Variants in DCHS2 observed in about 807,000 individuals in gnomAD.
DCHS2 encodes protocadherin-23.
In DCHS2, 142 loss-of-function variants were observed where a neutral mutation model predicts 182.4. The ratio of observed to expected loss-of-function variants is 0.78; its 90% CI spans 0.68 to 0.89. DCHS2 has a LOEUF of 0.89. Ranked by LOEUF, DCHS2 falls within the 40% of genes least tolerant of loss-of-function variation. DCHS2 has a pLI of 0.00. For synonymous variants in DCHS2, 1,740 were observed against 1,663.3 expected (o/e 1.05, Z -1.12); for missense variants, 4,319 against 4,198.6 (o/e 1.03, Z -0.79).
intron 13 of DCHS2, among the ~76,000 whole-genome samples, chr4:154,292,373 T>C (rs1734707714): frequency 1.3e-5 from 2 of 152,208 alleles, no homozygotes; most frequent in Non-Finnish European, 2.9e-5. Context: ...TGCACTTCAC[T>C]ATATTCTGGC....
chr4:154,491,648 T>G lies in DCHS2; in HGVS notation c.-293A>C. On this transcript the variant is annotated 5_prime_UTR_variant, in exon 1 of 20. Transcript: ENST00000357232. ...TCATCTCTTTTTCTCTCTCCTTTTA[T>G]TCCCTTTACATCTGTTCCTTGTTCT... The G allele has an allele frequency of 3.9e-6, 5 of 1,272,828 alleles. No individual in the cohort carries two copies. The highest frequency in any genetic ancestry group is 2.0e-6 in the Non-Finnish European group (2 of 1,011,552). The allele number at this position is 1,272,828 out of a possible 1,614,324, so 78.8% of individuals were successfully genotyped here. A position where few individuals can be genotyped will look rare whatever the true frequency, so the allele number is the denominator to read the frequency against.
chr4:154,261,332 C>A (rs565485401), intron 14 of DCHS2, among the ~76,000 whole-genome samples: 1 of 152,284 alleles, frequency 6.6e-6, no homozygotes, highest in Non-Finnish European at 1.5e-5. Context: ...TTTGTAGTAA[C>A]ATGTAGATTC....
chr4:154,235,680 GC>G lies in DCHS2; in HGVS notation c.8971del (p.Ala2991ProfsTer13), dbSNP rs1419792446. On this transcript the variant is annotated frameshift_variant, in exon 20 of 20. Coordinates refer to ENST00000357232, the MANE Select transcript of DCHS2 (RefSeq NM_001358235.2). LOFTEE classifies it low-confidence loss of function (END_TRUNC). ...CACCAGGCTGATTGAAAAGCTGCTG[GC>G]GAACACTGCCAAGGGTGTTCCTTCA... ...SSEGTPLAVF[A>X]SSFSISLVVS... 1 of 1,613,938 alleles carries G rather than the reference GC, an allele frequency of 6.2e-7. No individual in the cohort carries two copies. The highest frequency in any genetic ancestry group is 1.1e-5 in the South Asian group (1 of 91,046).
intron 3 of DCHS2, among the ~76,000 whole-genome samples, chr4:154,340,402 C>T (rs1023968440): frequency 2.6e-5 from 4 of 152,176 alleles, no homozygotes; most frequent in Non-Finnish European, 5.9e-5. Context: ...TAGTAACATA[C>T]AGCAAATGTG....
At chr4:154,373,485 C>A (rs959550448) in intron 2 of DCHS2, among the ~76,000 whole-genome samples, 4 of 152,078 alleles carry the variant, frequency 2.6e-5, no homozygotes, top group Admixed American at 6.5e-5. Context: ...CACATGAAAA[C>A]ACATATGTTG....
In DCHS2 at chr4:154,391,448, CAG is replaced by C. The variant is rs1731700671; in HGVS notation, c.2053-14006_2053-14005del. ...CGTTCAAAACTAAAAATAGGCAGAT[CAG>C]AGAGTCACTGATGCTGAGTTTGCAG... is the stretch of plus-strand genomic sequence containing the variant. On this transcript the variant is annotated intron_variant, in intron 1 of 19. Transcript: ENST00000357232. 31 of 1,143,858 alleles carry C rather than the reference CAG, an allele frequency of 2.7e-5. No homozygotes were observed. The East Asian group carries it at 6.3e-4, about 23-fold the overall frequency. 70.9% of individuals were successfully genotyped at this position (1,143,858 alleles called of 1,614,324 possible).
At position 154,304,805 on chromosome 4, in the gene DCHS2, G is replaced by A. The variant is rs559564335; in HGVS notation, c.5469C>T (p.Asn1823=). 58 of 1,613,696 alleles carry A rather than the reference G, an allele frequency of 3.6e-5. No homozygotes were observed. Among genetic ancestry groups the A allele is most frequent in the East Asian group, 4.5e-5 (2 of 44,842 alleles). ...TTILCTVEDE[N]DHAPEFIVSS... is the part of the protein sequence containing the mutation. ...AAACAATAAACTCTGGTGCGTGATC[G>A]TTTTCATCTTCAACAGTGCAGAGGA... The change falls in exon 12 of 20, where the codon AAC becomes AAT. Residue 1823 remains asparagine, a synonymous_variant. Coordinates refer to ENST00000357232, the MANE Select transcript of DCHS2 (RefSeq NM_001358235.2).
rs537619978 is a variant in DCHS2 at position 154,342,760 on chromosome 4, T to C, written c.2477-7656A>G. On this transcript the variant is annotated intron_variant, in intron 3 of 19. Transcript: ENST00000357232. ...GTGGTGATTCCCTCAAAGTCATCTG[T>C]GAGGGTTGGAGTCAACTTCTTCCAA... Among the ~76,000 whole-genome samples, 4 of 152,276 alleles carry C rather than the reference T, an allele frequency of 2.6e-5. No homozygotes were observed. In the East Asian group the frequency reaches 7.7e-4, roughly 29 times the overall value.
chr4:154,242,006 T>A (rs145652792), intron 17 of DCHS2, among the ~76,000 whole-genome samples: 3 of 152,258 alleles, frequency 2.0e-5, no homozygotes, highest in African/African-American at 7.2e-5. Flanking sequence ...TCACCATTAT[T>A]TTCATCTTCA....
intron 3 of DCHS2, among the ~76,000 whole-genome samples, chr4:154,339,260 G>C (rs1173167652): frequency 1.3e-5 from 2 of 152,028 alleles, no homozygotes; most frequent in Non-Finnish European, 2.9e-5. Flanking sequence ...CCACCTTTTT[G>C]TTCTTTTTCA....
chr4:154,360,484 T>C (rs1730069672), intron 3 of DCHS2, among the ~76,000 whole-genome samples: 1 of 152,134 alleles, frequency 6.6e-6, no homozygotes, highest in Non-Finnish European at 1.5e-5. Context: ...TGATTAATTT[T>C]AGACTCTGTC....
chr4:154,447,231 G>T (rs1455307406), intron 1 of DCHS2, among the ~76,000 whole-genome samples: 1 of 152,176 alleles, frequency 6.6e-6, no homozygotes, highest in Non-Finnish European at 1.5e-5. Flanking sequence ...GGCAGGGGAT[G>T]CAGTGAGCTG....
intron 3 of DCHS2, among the ~76,000 whole-genome samples, chr4:154,341,934 G>A (rs980246761): frequency 6.6e-6 from 1 of 152,004 alleles, no homozygotes; most frequent in African/African-American, 2.4e-5. Context: ...TTAATTAAAT[G>A]AAAGCATTAT....
rs1202050640 is a variant in DCHS2 at position 154,490,889 on chromosome 4, C to G, written c.467G>C (p.Arg156Pro). ...CGAGTGGTCATTCACGTCGTTGACGCGAATCTCCACCTGCACCACAGCGCC... is the reference window on the plus strand; with the variant it reads ...CGAGTGGTCATTCACGTCGTTGACGGGAATCTCCACCTGCACCACAGCGCC... ...LLGAVVQVEI[R>P]VNDVNDHSPR... Residue 156 changes from arginine to proline, a missense_variant, in exon 1 of 20, where the codon CGC (arginine) becomes CCC (proline). Transcript: ENST00000357232. The G allele has an allele frequency of 5.8e-6, 9 of 1,551,402 alleles. No individual in the cohort carries two copies. Among genetic ancestry groups the G allele is most frequent in the Non-Finnish European group, 7.8e-6 (9 of 1,146,908 alleles).
rs1022694659 is a variant in DCHS2 at position 154,271,629 on chromosome 4, C to T, written c.6464-1616G>A. Among the ~76,000 whole-genome samples, 12 of 152,234 alleles carry T rather than the reference C, an allele frequency of 7.9e-5. 1 individual carries two copies. The East Asian group carries it at 2.3e-3, about 29-fold the overall frequency. On this transcript the variant is annotated intron_variant, in intron 13 of 19. Coordinates refer to ENST00000357232, the MANE Select transcript of DCHS2 (RefSeq NM_001358235.2). ...AGGGTCCCAAGTATTCATTTGGTCC[C>T]CAAGTTAGTACTTTGATGTCCTTGT... is the stretch of plus-strand genomic sequence containing the variant.
In DCHS2 at chr4:154,254,245, G is replaced by T. The variant is rs542455279; in HGVS notation, c.6941+1274C>A. ...GAGCTAAGCCTCTCTTGGACCACAG[G>T]CTGCCTGACTGCTTCTCCAGAGACA... On this transcript the variant is annotated intron_variant, in intron 16 of 19. Coordinates refer to ENST00000357232, the MANE Select transcript of DCHS2 (RefSeq NM_001358235.2). Among the ~76,000 whole-genome samples the T allele has an allele frequency of 2.7e-3, 414 of 152,254 alleles. 6 individuals carry two copies. The South Asian group carries it at 0.037, about 14-fold the overall frequency.
At chr4:154,422,100 G>T (rs1733138057) in intron 1 of DCHS2, among the ~76,000 whole-genome samples, 1 of 151,936 alleles carries the variant, frequency 6.6e-6, no homozygotes, top group Admixed American at 6.6e-5. Context: ...TCCTTTTTCA[G>T]TCTCCTAGGC....
chr4:154,315,794 AT>A lies in DCHS2; in HGVS notation c.5213del (p.Asn1738IlefsTer37), dbSNP rs1232688721. On this transcript the variant is annotated frameshift_variant, in exon 10 of 20. Transcript: ENST00000357232. LOFTEE classifies it high-confidence loss of function. ...LYEASVKENQ[N>X]PGEFVTRVEA... is the part of the protein sequence containing the mutation. ...CAACCCTGGTAACAAACTCCCCTGG[AT>A]TTTGGTTTTCTTTCACTGAGGCTTC... The A allele has an allele frequency of 4.3e-6, 7 of 1,613,908 alleles. No individual in the cohort carries two copies. The highest frequency in any genetic ancestry group is 3.3e-5 in the Admixed American group (2 of 59,966).
chr4:154,308,034 C>T (rs151302408), intron 10 of DCHS2, among the ~76,000 whole-genome samples: 1 of 152,098 alleles, frequency 6.6e-6, no homozygotes, highest in South Asian at 2.1e-4. Flanking sequence ...TAAATTATAT[C>T]CTTCTCTAGC....
Sources: gnomAD v4.1 joint callset for allele counts (sites outside exome capture counted in the v4.1 genomes callset) on GRCh38, gnomAD v4.1.1 for gene constraint, MANE v1.5 for transcripts, NCBI Gene and HGNC (gene_info 2026-07-23, HGNC 2026-07-21) for gene names.